Variants in PLCB3 observed in about 807,000 individuals in gnomAD.
PLCB3 encodes the protein 1-phosphatidylinositol 4,5-bisphosphate phosphodiesterase beta-3.
A neutral mutation model predicts 152.1 loss-of-function variants in PLCB3; 54 were observed. The ratio of observed to expected loss-of-function variants is 0.36; its 90% CI spans 0.29 to 0.45. The LOEUF (loss-of-function observed/expected upper bound fraction) is 0.45. PLCB3 is among the 20% of genes least tolerant of loss of function. The pLI, the probability that PLCB3 is intolerant of heterozygous loss-of-function variation, is 1.00. For synonymous variants in PLCB3, 717 were observed against 698.7 expected, an observed-to-expected ratio of 1.03 and a Z score of -0.41; for missense variants, 1,248 against 1,687.5, an observed-to-expected ratio of 0.74 and a Z score of 4.56.
At position 64,263,782 on chromosome 11, in the gene PLCB3, T is replaced by TGAC; in HGVS notation, c.2551_2553dup (p.Asp851dup). The TGAC allele has an allele frequency of 6.2e-7, 1 of 1,612,794 alleles. No homozygotes were observed. Among genetic ancestry groups the TGAC allele is most frequent in the East Asian group, 2.2e-5 (1 of 44,874 alleles). On this transcript the variant is annotated inframe_insertion, in exon 21 of 31. Transcript: ENST00000279230. Reference sequence around the variant, plus strand: ...ACACCGAAGCCTCGGACTACATTCCTGACGACCACCAGGGTGAGCTGGGGG... The same window carrying TGAC: ...ACACCGAAGCCTCGGACTACATTCCTGACGACGACCACCAGGGTGAGCTGGGGG...
In PLCB3 at chr11:64,258,039, A is replaced by G. The variant is rs2031629897; in HGVS notation, c.1013-434A>G. Among the ~76,000 whole-genome samples the G allele has an allele frequency of 6.6e-6, 1 of 152,020 alleles. No individual in the cohort carries two copies. The highest frequency in any genetic ancestry group is 1.5e-5 in the Non-Finnish European group (1 of 67,990). ...CATGGTGGTGGGCAACTGTAATCCC[A>G]GCTACTCGGGAGGCTGAGGCAGGAG... On this transcript the variant is annotated intron_variant, in intron 10 of 30. Coordinates refer to ENST00000279230, the MANE Select transcript of PLCB3 (RefSeq NM_000932.5). The surrounding 1 kb of genome is among the most constrained non-coding windows in gnomAD (Gnocchi z 7.2).
chr11:64,264,197 C>A, intron 22 of PLCB3, 85 bp downstream of exon 22: 1 of 892,136 alleles, frequency 1.1e-6, no homozygotes, highest in Non-Finnish European at 1.7e-6. Context: ...GAGGAGGGGG[C>A]TTCTGGTCTC....
At position 64,266,431 on chromosome 11, in the gene PLCB3, C is replaced by G. The variant is rs1172383124; in HGVS notation, c.3356+27C>G. On this transcript the variant is annotated intron_variant, in intron 28 of 30. Transcript: ENST00000279230. This position sits in a 1 kb window ranked among gnomAD's most constrained non-coding sequence, Gnocchi z 4.9. ...TAAGGGCACCGGGACCGGGGGCCAT[C>G]TGGGTACTGGGGAGGCAGGGCAGGT... 6.3e-7 allele frequency: 1 copy of G among 1,599,680 alleles called. No individual in the cohort carries two copies. Among genetic ancestry groups the G allele is most frequent in the African/African-American group, 1.3e-5 (1 of 74,520 alleles).
intron 17 of PLCB3, 131 bp from the exon 18 acceptor site, chr11:64,262,276 A>G (rs1369596472): frequency 7.6e-7 from 1 of 1,311,274 alleles, no homozygotes; most frequent in East Asian, 2.3e-5. Context: ...CTGGATCCGG[A>G]CCCTGATGCC....
At chr11:64,252,671 G>A (rs993658370) in intron 1 of PLCB3, among the ~76,000 whole-genome samples, 4 of 152,184 alleles carry the variant, frequency 2.6e-5, no homozygotes, top group African/African-American at 7.2e-5. Context: ...AGCGGCAGGT[G>A]TGCGAGGTGG....
At position 64,267,137 on chromosome 11, in the gene PLCB3, AG is replaced by A. The variant is rs777756598; in HGVS notation, c.3415-47del. 1.3e-6 allele frequency: 2 copies of A among 1,502,642 alleles called. No homozygotes were observed. The highest frequency in any genetic ancestry group is 2.4e-5 in the South Asian group (2 of 83,016). The allele number at this position is 1,502,642 out of a possible 1,614,324, so 93.1% of individuals were successfully genotyped here. On this transcript the variant is annotated intron_variant, in intron 29 of 30. Transcript: ENST00000279230. The surrounding 1 kb of genome is among the most constrained non-coding windows in gnomAD (Gnocchi z 5.2). ...TACCCAGCCAGAGCCTCGAGGCTCT[AG>A]CCCCTCCCTCAGGGCCCCTCAGCTG...
Position 64,254,966 on chromosome 11 carries a change from G to T in PLCB3, c.315G>T (p.Thr105=). 6.3e-7 allele frequency: 1 copy of T among 1,598,758 alleles called. No individual in the cohort carries two copies. Among genetic ancestry groups the T allele is most frequent in the Non-Finnish European group, 8.5e-7 (1 of 1,171,200 alleles). The change falls in exon 4 of 31, where the codon ACG becomes ACT. Residue 105 remains threonine, a synonymous_variant. Coordinates refer to ENST00000279230, the MANE Select transcript of PLCB3 (RefSeq NM_000932.5). The stretch of plus-strand genomic sequence containing the variant: ...CCCGGCTGGAGGAGAAGCTGATGAC[G>T]GTGGTGTCTGGGCCAGACCCAGTGA... ...PDARLEEKLM[T]VVSGPDPVNT...
Position 64,267,321 on chromosome 11 carries a change from C to T in PLCB3, c.3502-32C>T, listed in dbSNP as rs1343050785. ...GCAGACGGGGTGCAAGGCAGCCAGG[C>T]CTCGCCTGTGATGCCCATCCTTCTC... On this transcript the variant is annotated intron_variant, in intron 30 of 30. Coordinates refer to ENST00000279230, the MANE Select transcript of PLCB3 (RefSeq NM_000932.5). This position sits in a 1 kb window ranked among gnomAD's most constrained non-coding sequence, Gnocchi z 5.2. 3.9e-6 allele frequency: 6 copies of T among 1,550,124 alleles called. No individual in the cohort carries two copies. In the East Asian group the frequency reaches 1.2e-4, roughly 32 times the overall value.
Position 64,256,401 on chromosome 11 carries a change from A to G in PLCB3, c.724A>G (p.Thr242Ala). 6.2e-7 allele frequency: 1 copy of G among 1,613,586 alleles called. No homozygotes were observed. Among genetic ancestry groups the G allele is most frequent in the Non-Finnish European group, 8.5e-7 (1 of 1,179,990 alleles). ...AGGCGCCAAGGGCAAGCCATACCTGACGCTGGAGCAGCTCATGGACTTCAT... is the reference window on the plus strand; with the variant it reads ...AGGCGCCAAGGGCAAGCCATACCTGGCGCTGGAGCAGCTCATGGACTTCAT... ...EIGAKGKPYL[T>A]LEQLMDFINQ... is the part of the protein sequence containing the mutation. The change falls in exon 9 of 31, where the codon ACG (threonine) becomes GCG (alanine). Residue 242 changes from threonine (T) to alanine (A), a missense_variant. Transcript: ENST00000279230.
chr11:64,262,903 G>T, intron 19 of PLCB3, 95 bp downstream of exon 19: 1 of 1,308,632 alleles, frequency 7.6e-7, no homozygotes, highest in Non-Finnish European at 1.1e-6. Context: ...GCACACCGTT[G>T]GCGACTGGGG....
At position 64,267,486 on chromosome 11, in the gene PLCB3, A is replaced by G; in HGVS notation, c.3635A>G (p.His1212Arg). ...CTGGTGGCCTGTGCCAGCAACGGTC[A>G]CGCACCCGGGAGCAGCGGGCACCTG... ...GPLVACASNG[H>R]APGSSGHLSG... Residue 1212 changes from histidine to arginine, a missense_variant, in exon 31 of 31, where the codon CAC becomes CGC. His to Arg is a conservative substitution (Grantham distance 29). Transcript: ENST00000279230. The surrounding 1 kb of genome is among the most constrained non-coding windows in gnomAD (Gnocchi z 5.2). 3 of 1,568,118 alleles carry G rather than the reference A, an allele frequency of 1.9e-6. No individual in the cohort carries two copies. The highest frequency in any genetic ancestry group is 2.6e-6 in the Non-Finnish European group (3 of 1,161,148).
Position 64,267,313 on chromosome 11 carries a change from C to T in PLCB3, c.3502-40C>T. 6.4e-7 allele frequency: 1 copy of T among 1,550,572 alleles called. No homozygotes were observed. The highest frequency in any genetic ancestry group is 8.7e-7 in the Non-Finnish European group (1 of 1,146,626). The stretch of plus-strand genomic sequence containing the variant: ...ACAGGTGGGCAGACGGGGTGCAAGG[C>T]AGCCAGGCCTCGCCTGTGATGCCCA... On this transcript the variant is annotated intron_variant, in intron 30 of 30. Coordinates refer to ENST00000279230, the MANE Select transcript of PLCB3 (RefSeq NM_000932.5). This position sits in a 1 kb window ranked among gnomAD's most constrained non-coding sequence, Gnocchi z 5.2.
Position 64,255,472 on chromosome 11 carries a change from CCTT to C in PLCB3, c.521+25_521+27del, listed in dbSNP as rs2031474375. On this transcript the variant is annotated intron_variant, in intron 6 of 30. Transcript: ENST00000279230. The surrounding 1 kb of genome is among the most constrained non-coding windows in gnomAD (Gnocchi z 6.8). ...GAAGTGAGCACCCCTTCCCCCAGCA[CCTT>C]CCTCCTGCCCTGACCTTGGTGACCT... 3 of 1,614,036 alleles carry C rather than the reference CCTT, an allele frequency of 1.9e-6. No individual in the cohort carries two copies. The highest frequency in any genetic ancestry group is 1.7e-5 in the Admixed American group (1 of 60,014).
intron 13 of PLCB3, among the ~76,000 whole-genome samples, chr11:64,259,656 C>T (rs1207685016): frequency 1.3e-5 from 2 of 152,166 alleles, no homozygotes; most frequent in African/African-American, 2.4e-5. Context: ...TGACTGTTCA[C>T]CTCACTATGC....
Position 64,255,100 on chromosome 11 carries a change from C to A in PLCB3, c.387+62C>A. 6.4e-7 allele frequency: 1 copy of A among 1,561,244 alleles called. No homozygotes were observed. The highest frequency in any genetic ancestry group is 8.8e-7 in the Non-Finnish European group (1 of 1,137,584). ...GTCTTATTCTGTGAGTCGGCCGTCA[C>A]TTACCGAACACCTGCTGTGTTCTAG... On this transcript the variant is annotated intron_variant, in intron 4 of 30. Transcript: ENST00000279230. The surrounding 1 kb of genome is among the most constrained non-coding windows in gnomAD (Gnocchi z 6.8).
At chr11:64,264,335 T>C (rs1034320204) in intron 22 of PLCB3, among the ~76,000 whole-genome samples, 3 of 152,010 alleles carry the variant, frequency 2.0e-5, no homozygotes, top group Non-Finnish European at 4.4e-5. Flanking sequence ...GGAGTGGGGG[T>C]ACAGGGGTCT....
intron 22 of PLCB3, 23 bp downstream of exon 22, chr11:64,264,135 T>A: frequency 6.8e-7 from 1 of 1,477,084 alleles, no homozygotes; most frequent in Non-Finnish European, 9.1e-7. Context: ...AGGGCAGGGC[T>A]CAGGCTCACT....
Position 64,266,583 on chromosome 11 carries a change from A to G in PLCB3, c.3414+31A>G. ...TCAGGCTCCCGGGCCACCCTACCCCACCTCCCTTCCTTCACTCATCAGACA... is the reference window on the plus strand; with the variant it reads ...TCAGGCTCCCGGGCCACCCTACCCCGCCTCCCTTCCTTCACTCATCAGACA... On this transcript the variant is annotated intron_variant, in intron 29 of 30. Coordinates refer to ENST00000279230, the MANE Select transcript of PLCB3 (RefSeq NM_000932.5). The surrounding 1 kb of genome is among the most constrained non-coding windows in gnomAD (Gnocchi z 4.9). 6.2e-7 allele frequency: 1 copy of G among 1,606,890 alleles called. No homozygotes were observed. Among genetic ancestry groups the G allele is most frequent in the East Asian group, 2.2e-5 (1 of 44,818 alleles).
intron 25 of PLCB3, 112 bp from the exon 26 acceptor site, chr11:64,265,774 C>T: frequency 2.9e-6 from 4 of 1,393,284 alleles, no homozygotes; most frequent in South Asian, 1.4e-5. Context: ...ACAGACCTGG[C>T]CCCATGGGAT....
Sources: gnomAD v4.1 joint callset for allele counts (sites outside exome capture counted in the v4.1 genomes callset) on GRCh38, gnomAD v4.1.1 for gene constraint, Gnocchi (gnomAD v3.1) non-coding constraint, MANE v1.5 for transcripts, NCBI Gene and HGNC (gene_info 2026-07-23, HGNC 2026-07-21) for gene names.